Variants in RABEP1 observed in about 807,000 individuals in gnomAD.
The protein encoded by RABEP1 is rabaptin, RAB GTPase binding effector protein 1, also known as rab GTPase-binding effector protein 1.
A neutral mutation model predicts 123.4 loss-of-function variants in RABEP1; 51 were observed. That is an observed-to-expected ratio of 0.41 (90% confidence interval 0.33 to 0.52). The LOEUF is 0.52. Among genes scored for constraint, RABEP1 ranks in the 20% least tolerant of loss-of-function variants. The pLI, the probability that RABEP1 is intolerant of heterozygous loss-of-function variation, is 0.16. For missense variants in RABEP1, 888 were observed against 996.3 expected, an observed-to-expected ratio of 0.89 and a Z score of 1.46; for synonymous variants, 347 against 355.2, an observed-to-expected ratio of 0.98 and a Z score of 0.26.
intron 13 of RABEP1, among the ~76,000 whole-genome samples, chr17:5,376,434 CTG>C (rs1053456549): frequency 1.3e-5 from 2 of 152,124 alleles, no homozygotes; most frequent in Non-Finnish European, 1.5e-5. Flanking sequence ...ATTTTAAAAA[CTG>C]TTGTTTTATA....
intron 5 of RABEP1, among the ~76,000 whole-genome samples, chr17:5,344,922 C>T (rs1907942177): frequency 6.6e-6 from 1 of 151,742 alleles, no homozygotes. Context: ...GAGATCGCGG[C>T]ACCACCCTCC....
chr17:5,286,745 A>G (rs1342037135), intron 1 of RABEP1, among the ~76,000 whole-genome samples: 1 of 152,234 alleles, frequency 6.6e-6, no homozygotes, highest in Admixed American at 6.5e-5. Context: ...TAGGCAATAT[A>G]GATAATAAAT....
In RABEP1 at chr17:5,384,597, G is replaced by GACTT. The variant is rs1168194613; in HGVS notation, c.*1377_*1380dup. 9.3e-6 allele frequency: 2 copies of GACTT among 215,556 alleles called. No individual in the cohort carries two copies. Among genetic ancestry groups the GACTT allele is most frequent in the African/African-American group, 2.3e-5 (1 of 44,372 alleles). 13.4% of individuals were successfully genotyped at this position (215,556 alleles called of 1,614,324 possible). A position where few individuals can be genotyped will look rare whatever the true frequency, so the allele number is the denominator to read the frequency against. On this transcript the variant is annotated 3_prime_UTR_variant, in exon 18 of 18. Transcript: ENST00000537505. ...CTTTGTTATAAATGAGGTCACTATG[G>GACTT]ACTTACCCTAAAGATCTTCTGTACT...
At chr17:5,317,695 T>G (rs1434767421) in intron 2 of RABEP1, among the ~76,000 whole-genome samples, 2 of 151,846 alleles carry the variant, frequency 1.3e-5, no homozygotes, top group Non-Finnish European at 2.9e-5. Context: ...CCTTAACAAT[T>G]TTAAAGTGAT....
chr17:5,342,524 A>G (rs1000274024), intron 5 of RABEP1, among the ~76,000 whole-genome samples: 17 of 152,098 alleles, frequency 1.1e-4, no homozygotes, highest in African/African-American at 2.9e-4. Flanking sequence ...TGTAGTGCCA[A>G]TCTCTCAGGA....
chr17:5,374,899 C>T (rs374196108), intron 13 of RABEP1, among the ~76,000 whole-genome samples: 232 of 152,294 alleles, frequency 1.5e-3, no homozygotes, highest in African/African-American at 5.3e-3. Flanking sequence ...GCCTTGGCCT[C>T]CCAAAGTGCG....
chr17:5,371,054 C>T (rs1373714794), intron 12 of RABEP1, among the ~76,000 whole-genome samples: 1 of 151,992 alleles, frequency 6.6e-6, no homozygotes, highest in Non-Finnish European at 1.5e-5. Context: ...GCAAGCTCCG[C>T]CTCCCGGGCT....
chr17:5,316,880 G>A (rs117698869), intron 2 of RABEP1, among the ~76,000 whole-genome samples: 3,042 of 140,782 alleles, frequency 0.022, 98 homozygotes, highest in East Asian at 0.13. Flanking sequence ...ACAAAATACA[G>A]AAATTGATAA....
chr17:5,292,566 T>C (rs2075043610), intron 1 of RABEP1, among the ~76,000 whole-genome samples: 1 of 152,076 alleles, frequency 6.6e-6, no homozygotes, highest in East Asian at 1.9e-4. Context: ...GTATTTTTAG[T>C]AGAGATAGGG....
chr17:5,385,404 T>TA lies in RABEP1; in HGVS notation c.*2182dup, dbSNP rs1483888612. 5.2e-4 allele frequency: 119 copies of TA among 230,244 alleles called. 1 individual carries two copies. Among genetic ancestry groups the TA allele is most frequent in the East Asian group, 1.2e-3 (20 of 16,112 alleles). The allele number at this position is 230,244 out of a possible 1,614,324, so 14.3% of individuals were successfully genotyped here. On this transcript the variant is annotated 3_prime_UTR_variant, in exon 18 of 18. Transcript: ENST00000537505. The stretch of plus-strand genomic sequence containing the variant: ...TGCATGTCTAACCTGATTTACCTCT[T>TA]ACCTGTAACCTACCTTATCATGTGG...
intron 1 of RABEP1, among the ~76,000 whole-genome samples, chr17:5,293,545 T>C (rs1262060400): frequency 6.6e-6 from 1 of 152,140 alleles, no homozygotes; most frequent in Non-Finnish European, 1.5e-5. Flanking sequence ...CTGAGGGCCC[T>C]ATAGGCACAT....
intron 2 of RABEP1, among the ~76,000 whole-genome samples, chr17:5,327,481 A>G (rs1906096189): frequency 6.6e-6 from 1 of 152,140 alleles, no homozygotes; most frequent in Admixed American, 6.5e-5. Context: ...AGCCCCTATA[A>G]TCTCATGTAA....
chr17:5,322,266 G>C (rs1352706052), intron 2 of RABEP1, among the ~76,000 whole-genome samples: 2 of 152,132 alleles, frequency 1.3e-5, no homozygotes, highest in African/African-American at 2.4e-5. Context: ...GCTGAGGTGG[G>C]AGAATTCCTT....
intron 15 of RABEP1, chr17:5,378,648 A>C: frequency 4.4e-6 from 1 of 228,804 alleles, no homozygotes; most frequent in Non-Finnish European, 8.6e-6. Flanking sequence ...TCCTGACCTC[A>C]CTGTTCCTTG....
At chr17:5,325,886 G>A (rs752440642) in intron 2 of RABEP1, among the ~76,000 whole-genome samples, 4 of 152,106 alleles carry the variant, frequency 2.6e-5, no homozygotes, top group Non-Finnish European at 4.4e-5. Flanking sequence ...ATTACCAAAT[G>A]GGCAGAAGAC....
intron 12 of RABEP1, among the ~76,000 whole-genome samples, chr17:5,370,563 A>G (rs750176990): frequency 5.3e-5 from 8 of 152,032 alleles, no homozygotes; most frequent in Admixed American, 3.9e-4. Context: ...AATCCGGCCA[A>G]TTGCTTTGTT....
At chr17:5,345,409 C>G (rs1399051263) in intron 5 of RABEP1, among the ~76,000 whole-genome samples, 2 of 152,194 alleles carry the variant, frequency 1.3e-5, no homozygotes, top group Non-Finnish European at 2.9e-5. Flanking sequence ...GTATGGAACT[C>G]AAAGTAATTC....
intron 12 of RABEP1, 38 bp from the exon 13 acceptor site, chr17:5,373,276 A>G: frequency 6.3e-7 from 1 of 1,595,852 alleles, no homozygotes; most frequent in Non-Finnish European, 8.5e-7. Flanking sequence ...GACCGGATCT[A>G]CCTTTCTGGC....
At chr17:5,344,428 ACT>A (rs958614585) in intron 5 of RABEP1, among the ~76,000 whole-genome samples, 14 of 151,994 alleles carry the variant, frequency 9.2e-5, no homozygotes, top group African/African-American at 2.2e-4. Context: ...ACAGAGTGAG[ACT>A]CTCTCTCAAA....
Sources: gnomAD v4.1 joint callset for allele counts (sites outside exome capture counted in the v4.1 genomes callset) on GRCh38, gnomAD v4.1.1 for gene constraint, MANE v1.5 for transcripts, NCBI Gene and HGNC (gene_info 2026-07-23, HGNC 2026-07-21) for gene names.